PDE4B: variants seen among roughly 807,000 people sequenced by gnomAD.
PDE4B encodes the protein phosphodiesterase 4B.
PDE4B carries 20 observed loss-of-function variants against 82.2 expected under a neutral mutation model. That is an observed-to-expected ratio of 0.24 (90% CI 0.17 to 0.35). The LOEUF (loss-of-function observed/expected upper bound fraction) is 0.35, where lower values mean the gene tolerates loss of function less well. Ranked by LOEUF, PDE4B falls within the 10% of genes least tolerant of loss-of-function variation. The pLI, the probability that PDE4B is intolerant of heterozygous loss-of-function variation, is 1.00. For synonymous variants in PDE4B, 320 were observed against 318.9 expected, an observed-to-expected ratio of 1.00 and a Z score of -0.04; for missense variants, 655 against 907.2, an observed-to-expected ratio of 0.72 and a Z score of 3.57.
chr1:65,980,374 G>C (rs138642937), intron 3 of PDE4B, among the ~76,000 whole-genome samples: 25 of 152,162 alleles, frequency 1.6e-4, no homozygotes, highest in Middle Eastern at 3.4e-3. Flanking sequence ...TGTTTTGACT[G>C]TCTATCTTTA....
chr1:66,356,991 G>T (rs1244810027), intron 9 of PDE4B, among the ~76,000 whole-genome samples: 1 of 152,110 alleles, frequency 6.6e-6, no homozygotes, highest in African/African-American at 2.4e-5. Flanking sequence ...TTGAAGACAG[G>T]GATCTTCTGC....
chr1:66,357,449 G>A (rs1662345724), intron 9 of PDE4B, among the ~76,000 whole-genome samples: 1 of 151,994 alleles, frequency 6.6e-6, no homozygotes, highest in Non-Finnish European at 1.5e-5. Flanking sequence ...CTAAATATGA[G>A]CGCTGAGTCT....
chr1:66,225,874 T>C (rs1203006329), intron 3 of PDE4B, among the ~76,000 whole-genome samples: 1 of 152,240 alleles, frequency 6.6e-6, no homozygotes, highest in Admixed American at 6.5e-5. Context: ...AAGTAACACA[T>C]TCATTGTATG....
chr1:66,141,897 G>T (rs757063837), intron 3 of PDE4B, among the ~76,000 whole-genome samples: 7 of 152,082 alleles, frequency 4.6e-5, no homozygotes, highest in Non-Finnish European at 8.8e-5. Context: ...GGCATTAGGG[G>T]TGCTGAACCC....
At position 65,837,887 on chromosome 1, in the gene PDE4B, C is replaced by T. The variant is rs537743650; in HGVS notation, c.-71+44639C>T. ...CTAGTACCCATTAGTTATTTTTCTA[C>T]CTCCACCTTCTGAAAAGGCCCAGTG... On this transcript the variant is annotated intron_variant, in intron 1 of 16. Transcript: ENST00000341517. 3.3e-5 allele frequency among the ~76,000 whole-genome samples: 5 copies of T among 152,136 alleles called. No individual in the cohort carries two copies. The East Asian group carries it at 5.8e-4, about 18-fold the overall frequency.
chr1:65,882,628 T>A (rs76816200), intron 1 of PDE4B, among the ~76,000 whole-genome samples: 1 of 151,996 alleles, frequency 6.6e-6, no homozygotes, highest in Admixed American at 6.6e-5. Flanking sequence ...AGGGTACATT[T>A]AAAAAAGATT....
intron 3 of PDE4B, among the ~76,000 whole-genome samples, chr1:66,024,348 TACTC>T (rs1346003770): frequency 1.3e-5 from 2 of 152,132 alleles, no homozygotes; most frequent in African/African-American, 2.4e-5. Context: ...ATTTACCCCT[TACTC>T]AATCAGATAG....
intron 3 of PDE4B, among the ~76,000 whole-genome samples, chr1:65,989,788 T>C (rs1651147815): frequency 6.6e-6 from 1 of 152,116 alleles, no homozygotes; most frequent in Admixed American, 6.6e-5. Flanking sequence ...AAATATAGCA[T>C]AGGATTTATT....
intron 3 of PDE4B, among the ~76,000 whole-genome samples, chr1:66,230,327 G>A (rs943537362): frequency 6.6e-6 from 1 of 152,332 alleles, no homozygotes; most frequent in Middle Eastern, 3.4e-3. Flanking sequence ...TGGCACATAA[G>A]CTTTGAAGGT....
chr1:65,831,763 C>T (rs540510260), intron 1 of PDE4B, among the ~76,000 whole-genome samples: 2 of 152,154 alleles, frequency 1.3e-5, no homozygotes, highest in East Asian at 3.9e-4. Flanking sequence ...TAAGATTCCT[C>T]AATAAAATAT....
chr1:66,280,537 G>A (rs912472908), intron 7 of PDE4B, among the ~76,000 whole-genome samples: 2 of 152,214 alleles, frequency 1.3e-5, no homozygotes, highest in African/African-American at 4.8e-5. Flanking sequence ...TTTCCACAGA[G>A]TTGAGTATGA....
At chr1:66,020,363 G>A (rs1653025569) in intron 3 of PDE4B, among the ~76,000 whole-genome samples, 1 of 151,846 alleles carries the variant, frequency 6.6e-6, no homozygotes, top group Admixed American at 6.6e-5. Flanking sequence ...TGTGCACAAC[G>A]TGCAGGTTTG....
chr1:65,916,565 G>A (rs2100469223), intron 2 of PDE4B, among the ~76,000 whole-genome samples: 1 of 152,186 alleles, frequency 6.6e-6, no homozygotes, highest in Non-Finnish European at 1.5e-5. Flanking sequence ...CAGATAACCA[G>A]TGCTTTCTTT....
chr1:66,044,035 GTATTATA>G (rs1557520259), intron 3 of PDE4B, among the ~76,000 whole-genome samples: 3 of 4,674 alleles, frequency 6.4e-4, no homozygotes, highest in African/African-American at 1.9e-3. Flanking sequence ...TATACTAAAT[GTATTATA>G]CTAAATGTAT....
chr1:66,293,918 C>G (rs1401293929), intron 7 of PDE4B, among the ~76,000 whole-genome samples: 2 of 152,116 alleles, frequency 1.3e-5, no homozygotes, highest in African/African-American at 2.4e-5. Context: ...GTTCAAAAAG[C>G]TCTGTGGCCG....
intron 2 of PDE4B, 38 bp from the exon 3 acceptor site, chr1:65,918,559 C>A: frequency 4.1e-6 from 5 of 1,219,400 alleles, no homozygotes; most frequent in Non-Finnish European, 6.1e-6. Context: ...ATTTCATTTT[C>A]TTTCTCTTCT....
intron 9 of PDE4B, among the ~76,000 whole-genome samples, chr1:66,360,096 G>C (rs973804184): frequency 6.6e-6 from 1 of 151,994 alleles, no homozygotes; most frequent in Non-Finnish European, 1.5e-5. Flanking sequence ...GGATTGGGTG[G>C]GGCTTATTCA....
intron 7 of PDE4B, chr1:66,330,657 A>G (rs1214132794): frequency 4.5e-6 from 2 of 446,938 alleles, no homozygotes; most frequent in African/African-American, 2.1e-5. Flanking sequence ...TTTTTCCTTT[A>G]TTAGAGGCAG....
At chr1:65,996,744 C>A (rs1651563332) in intron 3 of PDE4B, among the ~76,000 whole-genome samples, 1 of 152,072 alleles carries the variant, frequency 6.6e-6, no homozygotes, top group Non-Finnish European at 1.5e-5. Flanking sequence ...CAAAATTTTT[C>A]TTTGAATTTT....
Sources: allele counts gnomAD v4.1 joint callset (sites outside exome capture counted in the v4.1 genomes callset), GRCh38; gene constraint gnomAD v4.1.1; transcripts MANE v1.5; gene names NCBI Gene and HGNC (gene_info 2026-07-23, HGNC 2026-07-21).